TMEFF2: variants seen among roughly 807,000 people sequenced by gnomAD.
TMEFF2 encodes tomoregulin-2.
In TMEFF2, 28 loss-of-function variants were observed where a neutral mutation model predicts 53.8. The ratio of observed to expected loss-of-function variants is 0.52; its 90% CI spans 0.39 to 0.71. TMEFF2 has a LOEUF of 0.71. Among genes scored for constraint, TMEFF2 ranks in the 30% least tolerant of loss-of-function variants. The pLI is 0.00. For synonymous variants in TMEFF2, 162 were observed against 166.3 expected (o/e 0.97, Z 0.20); for missense variants, 353 against 455.2 (o/e 0.78, Z 2.04).
intron 2 of TMEFF2, among the ~76,000 whole-genome samples, chr2:192,189,086 T>C (rs1451166710): frequency 1.3e-5 from 2 of 152,114 alleles, no homozygotes; most frequent in African/African-American, 4.8e-5. Context: ...ATAAATGAGA[T>C]AATATGTTTG....
intron 4 of TMEFF2, among the ~76,000 whole-genome samples, chr2:192,084,696 C>T (rs781467271): frequency 5.3e-5 from 8 of 151,950 alleles, no homozygotes; most frequent in African/African-American, 1.2e-4. Flanking sequence ...TATTTTAATT[C>T]GTTAAACAAA....
chr2:192,013,124 G>T (rs1045912846), intron 5 of TMEFF2, among the ~76,000 whole-genome samples: 3 of 152,152 alleles, frequency 2.0e-5, no homozygotes, highest in Non-Finnish European at 2.9e-5. Context: ...TCTAGCAAAG[G>T]CTTCCTTCCC....
chr2:192,175,425 T>C (rs1045232765), intron 4 of TMEFF2, among the ~76,000 whole-genome samples: 1 of 151,596 alleles, frequency 6.6e-6, no homozygotes, highest in African/African-American at 2.4e-5. Flanking sequence ...ATGAAAATAA[T>C]TTGTACTGGA....
At chr2:192,130,474 C>T (rs914354060) in intron 4 of TMEFF2, among the ~76,000 whole-genome samples, 1 of 152,106 alleles carries the variant, frequency 6.6e-6, no homozygotes, top group Non-Finnish European at 1.5e-5. Flanking sequence ...TGAAGAATCA[C>T]AAAAGAAGTG....
intron 4 of TMEFF2, among the ~76,000 whole-genome samples, chr2:192,076,466 T>C (rs1055027059): frequency 1.4e-4 from 21 of 152,142 alleles, no homozygotes; most frequent in Admixed American, 1.1e-3. Context: ...TTCAATGATA[T>C]AAACCAATCT....
chr2:191,950,236 T>C lies in TMEFF2; in HGVS notation c.*75A>G. The C allele has an allele frequency of 1.3e-6, 2 of 1,541,902 alleles. No individual in the cohort carries two copies. Among genetic ancestry groups the C allele is most frequent in the South Asian group, 1.2e-5 (1 of 83,284 alleles). On this transcript the variant is annotated 3_prime_UTR_variant, in exon 10 of 10. Coordinates refer to ENST00000272771, the MANE Select transcript of TMEFF2 (RefSeq NM_016192.4). ...AGGCAACATGTGTAGATCTCTTGTC[T>C]TATTCTTTTGTCTATAATACTGTAT...
intron 4 of TMEFF2, among the ~76,000 whole-genome samples, chr2:192,128,822 A>G (rs897567498): frequency 6.6e-6 from 1 of 152,216 alleles, no homozygotes; most frequent in African/African-American, 2.4e-5. Context: ...AAGAGAAAGC[A>G]GTTTCTTCAA....
At chr2:192,021,168 T>C (rs1686850380) in intron 5 of TMEFF2, among the ~76,000 whole-genome samples, 1 of 152,148 alleles carries the variant, frequency 6.6e-6, no homozygotes, top group Admixed American at 6.5e-5. Flanking sequence ...AATACTACTC[T>C]GGGGTTGAGG....
chr2:192,110,048 A>G (rs1429413189), intron 4 of TMEFF2, among the ~76,000 whole-genome samples: 2 of 152,126 alleles, frequency 1.3e-5, no homozygotes, highest in Non-Finnish European at 2.9e-5. Context: ...GTCTGTGACT[A>G]TTCACTGAGG....
chr2:192,138,317 T>C (rs1013216943), intron 4 of TMEFF2, among the ~76,000 whole-genome samples: 27 of 152,354 alleles, frequency 1.8e-4, no homozygotes, highest in African/African-American at 6.0e-4. Flanking sequence ...GGTACAGATA[T>C]CTGAGCCAAC....
intron 7 of TMEFF2, among the ~76,000 whole-genome samples, chr2:191,959,972 G>A (rs1692225748): frequency 6.6e-6 from 1 of 152,074 alleles, no homozygotes; most frequent in Admixed American, 6.6e-5. Flanking sequence ...CACCTCCTGG[G>A]CTCAAGTGAT....
intron 4 of TMEFF2, among the ~76,000 whole-genome samples, chr2:192,152,611 G>A (rs891110104): frequency 3.3e-5 from 5 of 151,832 alleles, no homozygotes; most frequent in South Asian, 2.1e-4. Flanking sequence ...TATGGTACCC[G>A]CACACAGCAG....
chr2:192,119,713 TA>T (rs1689502670), intron 4 of TMEFF2, among the ~76,000 whole-genome samples: 2 of 152,336 alleles, frequency 1.3e-5, no homozygotes, highest in African/African-American at 4.8e-5. Flanking sequence ...ACTTTGACAG[TA>T]CAGGGAGGGA....
intron 5 of TMEFF2, chr2:192,032,261 C>T (rs903590346): frequency 6.6e-6 from 1 of 152,178 alleles, no homozygotes; most frequent in Non-Finnish European, 1.5e-5. Flanking sequence ...TGACTACATA[C>T]TTATTTCATT....
chr2:192,057,613 G>C (rs2105903409), intron 5 of TMEFF2, 66 bp downstream of exon 5: 1 of 1,301,806 alleles, frequency 7.7e-7, no homozygotes, highest in East Asian at 2.3e-5. Flanking sequence ...CAGAATGGTT[G>C]ATGGTGTTAA....
intron 5 of TMEFF2, among the ~76,000 whole-genome samples, chr2:192,052,042 AC>A (rs1348633877): frequency 6.6e-6 from 1 of 152,246 alleles, no homozygotes; most frequent in African/African-American, 2.4e-5. Flanking sequence ...CAAAATGACT[AC>A]TAAGGAGTTA....
chr2:192,090,274 A>C (rs1688761534), intron 4 of TMEFF2, among the ~76,000 whole-genome samples: 1 of 152,172 alleles, frequency 6.6e-6, no homozygotes, highest in South Asian at 2.1e-4. Flanking sequence ...CAACTGAAGG[A>C]AATGCTGAAA....
At chr2:192,025,376 GTT>G (rs5837273) in intron 5 of TMEFF2, among the ~76,000 whole-genome samples, 152 of 146,160 alleles carry the variant, frequency 1.0e-3, no homozygotes, top group South Asian at 8.7e-3. Flanking sequence ...TAACAGAAGG[GTT>G]TTTTTTTTTT....
intron 5 of TMEFF2, chr2:192,028,478 TTGTGTG>T (rs60188276): frequency 0.76 from 114,489 of 150,100 alleles, 44,514 homozygotes; most frequent in Non-Finnish European, 0.86. Context: ...TCATACTGTT[TTGTGTG>T]TGTGTGTGTG....
Sources: gnomAD v4.1 joint callset for allele counts (sites outside exome capture counted in the v4.1 genomes callset) on GRCh38, gnomAD v4.1.1 for gene constraint, MANE v1.5 for transcripts, NCBI Gene and HGNC (gene_info 2026-07-23, HGNC 2026-07-21) for gene names.